Variants in AGBL4 observed in about 807,000 individuals in gnomAD.
AGBL4 encodes the protein cytosolic carboxypeptidase 6.
In AGBL4, 58 loss-of-function variants were observed where a neutral mutation model predicts 66.4. The observed-to-expected ratio is 0.87, with a 90% CI of 0.71 to 1.09. AGBL4 has a LOEUF of 1.09. Ranked by LOEUF, AGBL4 falls within the 50% of genes least tolerant of loss-of-function variation. AGBL4 has a pLI of 0.00. For synonymous variants in AGBL4, 234 were observed against 222.9 expected, an observed-to-expected ratio of 1.05 and a Z score of -0.44; for missense variants, 579 against 631.0, an observed-to-expected ratio of 0.92 and a Z score of 0.88.
chr1:49,673,069 G>A (rs185181353), intron 3 of AGBL4, among the ~76,000 whole-genome samples: 1 of 152,020 alleles, frequency 6.6e-6, no homozygotes, highest in Admixed American at 6.6e-5. Flanking sequence ...AAGTAAGAAA[G>A]TAAGTTGACC....
chr1:49,623,063 T>C (rs1645398392), intron 3 of AGBL4, among the ~76,000 whole-genome samples: 1 of 152,186 alleles, frequency 6.6e-6, no homozygotes, highest in Non-Finnish European at 1.5e-5. Flanking sequence ...ATTTAATTAC[T>C]GAAGGATACA....
rs183583166 is a variant in AGBL4, at chr1:49,826,773, G to A, written c.157+24623C>T. Among the ~76,000 whole-genome samples the A allele has an allele frequency of 2.5e-3, 380 of 152,258 alleles. 8 individuals carry two copies. The highest frequency in any genetic ancestry group is 1.2e-3 in the Non-Finnish European group (84 of 68,006). On this transcript the variant is annotated intron_variant, in intron 2 of 13. Transcript: ENST00000371839. ...TGGATGTTTTGTGCACCTATTAAGA[G>A]CTAGCCATTGTAAGAAAAGAAATCA... is the stretch of plus-strand genomic sequence containing the variant.
At chr1:49,363,199 G>A (rs1208560959) in intron 3 of AGBL4, among the ~76,000 whole-genome samples, 5 of 152,166 alleles carry the variant, frequency 3.3e-5, no homozygotes, top group African/African-American at 1.2e-4. Context: ...AGATAGGTTT[G>A]AGGAAAAGAA....
chr1:49,245,504 T>C (rs1388807112), intron 4 of AGBL4, among the ~76,000 whole-genome samples: 1 of 151,720 alleles, frequency 6.6e-6, no homozygotes, highest in East Asian at 1.9e-4. Flanking sequence ...TGAATGCTGG[T>C]CATCCCAAGC....
At chr1:49,617,209 C>T (rs1645265460) in intron 3 of AGBL4, among the ~76,000 whole-genome samples, 2 of 152,240 alleles carry the variant, frequency 1.3e-5, no homozygotes, top group Admixed American at 6.5e-5. Flanking sequence ...TCCTAAAATA[C>T]GTATGTCAGT....
rs1657574952 is a variant in AGBL4, at chr1:48,957,457, C to T, written c.594+88127G>A. On this transcript the variant is annotated intron_variant, in intron 5 of 13. Transcript: ENST00000371839. ...CTGACTACTGTACATGTGTGACATTCTCTAGAAATGGAATGGGTGGCTAGT... is the reference window on the plus strand; with the variant it reads ...CTGACTACTGTACATGTGTGACATTTTCTAGAAATGGAATGGGTGGCTAGT... 2.0e-5 allele frequency among the ~76,000 whole-genome samples: 3 copies of T among 152,256 alleles called. No homozygotes were observed. In the South Asian group the frequency reaches 6.2e-4, roughly 32 times the overall value.
chr1:49,265,911 T>C (rs997594449), intron 3 of AGBL4, among the ~76,000 whole-genome samples: 1 of 152,172 alleles, frequency 6.6e-6, no homozygotes, highest in Non-Finnish European at 1.5e-5. Context: ...TGTATGATTA[T>C]GCTAAGTCTC....
chr1:49,515,324 A>C (rs548519844), intron 3 of AGBL4, among the ~76,000 whole-genome samples: 31 of 152,228 alleles, frequency 2.0e-4, no homozygotes, highest in Non-Finnish European at 3.2e-4. Context: ...AATGCAAATC[A>C]AAACCACAAT....
chr1:48,620,470 C>T (rs1434312101), intron 9 of AGBL4, among the ~76,000 whole-genome samples: 1 of 151,884 alleles, frequency 6.6e-6, no homozygotes, highest in Non-Finnish European at 1.5e-5. Flanking sequence ...GAGATGGAGG[C>T]TCTCTCTGTC....
intron 1 of AGBL4, among the ~76,000 whole-genome samples, chr1:50,017,944 A>G (rs756591462): frequency 5.3e-5 from 8 of 152,202 alleles, no homozygotes; most frequent in Non-Finnish European, 1.2e-4. Flanking sequence ...TAAATAAAGT[A>G]ACACAGCCCA....
chr1:48,702,464 A>G (rs1324919731), intron 6 of AGBL4, among the ~76,000 whole-genome samples: 2 of 151,788 alleles, frequency 1.3e-5, no homozygotes, highest in African/African-American at 2.4e-5. Flanking sequence ...GCTAATTTTT[A>G]TATTTTTAGT....
chr1:49,132,421 T>C (rs1382297005), intron 4 of AGBL4, among the ~76,000 whole-genome samples: 1 of 152,112 alleles, frequency 6.6e-6, no homozygotes, highest in Non-Finnish European at 1.5e-5. Flanking sequence ...GACTCTTCAG[T>C]GTCTGGGTAA....
At chr1:49,866,007 T>C in intron 1 of AGBL4, 1 of 308,450 alleles carries the variant, frequency 3.2e-6, no homozygotes. Context: ...GGAAAGAATT[T>C]CAGAGCTTCA....
At chr1:48,993,386 C>A (rs1390768455) in intron 5 of AGBL4, among the ~76,000 whole-genome samples, 1 of 152,170 alleles carries the variant, frequency 6.6e-6, no homozygotes, top group Non-Finnish European at 1.5e-5. Context: ...CTGAACTCTT[C>A]TCTCTTCTCC....
chr1:49,312,572 CAA>C (rs1198534837), intron 3 of AGBL4, among the ~76,000 whole-genome samples: 1 of 151,746 alleles, frequency 6.6e-6, no homozygotes, highest in African/African-American at 2.4e-5. Flanking sequence ...TTTGCAAAAA[CAA>C]TATATCAGAT....
intron 3 of AGBL4, among the ~76,000 whole-genome samples, chr1:49,420,955 C>G (rs1285898364): frequency 1.3e-5 from 2 of 152,062 alleles, no homozygotes; most frequent in African/African-American, 2.4e-5. Flanking sequence ...TATTAATGCC[C>G]TAAAAGAGGT....
At chr1:49,283,180 G>A (rs557717647) in intron 3 of AGBL4, among the ~76,000 whole-genome samples, 10 of 152,278 alleles carry the variant, frequency 6.6e-5, no homozygotes, top group East Asian at 3.9e-4. Context: ...ATCTGAGAAC[G>A]GGCAGACTGC....
At chr1:49,980,670 C>T (rs1572003750) in intron 1 of AGBL4, among the ~76,000 whole-genome samples, 1 of 152,106 alleles carries the variant, frequency 6.6e-6, no homozygotes, top group South Asian at 2.1e-4. Flanking sequence ...ATTCATCTCC[C>T]AATGAACATT....
intron 1 of AGBL4, among the ~76,000 whole-genome samples, chr1:49,889,006 G>C (rs1648360535): frequency 6.6e-6 from 1 of 152,162 alleles, no homozygotes; most frequent in South Asian, 2.1e-4. Context: ...ATCAATATAT[G>C]TGAAACAATT....
Sources: gnomAD v4.1 joint callset for allele counts (sites outside exome capture counted in the v4.1 genomes callset) on GRCh38, gnomAD v4.1.1 for gene constraint, MANE v1.5 for transcripts, NCBI Gene and HGNC (gene_info 2026-07-23, HGNC 2026-07-21) for gene names.